BEST4: variants seen among roughly 807,000 people sequenced by gnomAD.
The protein encoded by BEST4 is bestrophin 4.
BEST4 carries 36 observed loss-of-function variants against 47.1 expected under a neutral mutation model. That is an observed-to-expected ratio of 0.76 (90% CI 0.59 to 1.01). BEST4 has a LOEUF of 1.01. Among genes scored for constraint, BEST4 ranks in the 50% least tolerant of loss-of-function variants. The pLI, the probability that BEST4 is intolerant of heterozygous loss-of-function variation, is 0.00. For synonymous variants in BEST4, 250 were observed against 277.8 expected, an observed-to-expected ratio of 0.90 and a Z score of 1.00; for missense variants, 550 against 648.6, an observed-to-expected ratio of 0.85 and a Z score of 1.65.
In BEST4 at chr1:44,786,191, GCT is replaced by G. The variant is rs1043735831; in HGVS notation, c.517_518del (p.Ser173ProfsTer30). 9.3e-6 allele frequency: 15 copies of G among 1,613,892 alleles called. No homozygotes were observed. Among genetic ancestry groups the G allele is most frequent in the Admixed American group, 8.3e-5 (5 of 59,958 alleles). On this transcript the variant is annotated frameshift_variant, in exon 4 of 9. Coordinates refer to ENST00000372207, the MANE Select transcript of BEST4 (RefSeq NM_153274.3). LOFTEE classifies it high-confidence loss of function. The surrounding 1 kb of genome is among the most constrained non-coding windows in gnomAD (Gnocchi z 4.9). ...AGTACTTGTTGAAGTCGGATTTCAG[GCT>G]CTCAAACTTTTTCCTCTCTTCCTGG... ...MSQEERKKFE[S>X]LKSDFNKYWV...
Position 44,786,599 on chromosome 1 carries a change from G to A in BEST4, c.345C>T (p.His115=), listed in dbSNP as rs993887118. The part of the protein sequence containing the change: ...QLMCVISASV[H]GVDQRGRLLR... ...GCAGGCGGCCCCGCTGGTCCACGCC[G>A]TGCACGCTAGCCGAGATGACGCACA... is the stretch of plus-strand genomic sequence containing the variant. The change falls in exon 3 of 9, where the codon CAC becomes CAT. Residue 115 remains histidine, a synonymous_variant. Coordinates refer to ENST00000372207, the MANE Select transcript of BEST4 (RefSeq NM_153274.3). The surrounding 1 kb of genome is among the most constrained non-coding windows in gnomAD (Gnocchi z 4.9). 38 of 1,551,028 alleles carry A rather than the reference G, an allele frequency of 2.4e-5. No individual in the cohort carries two copies. In the East Asian group the frequency reaches 8.6e-4, roughly 35 times the overall value.
chr1:44,787,745 C>T lies in BEST4; in HGVS notation c.-40G>A, dbSNP rs1415120273. The T allele has an allele frequency of 1.2e-6, 2 of 1,611,402 alleles. No homozygotes were observed. The highest frequency in any genetic ancestry group is 1.3e-5 in the African/African-American group (1 of 74,806). ...GGGGCAGGAGGTCACAAGAGTTGCC[C>T]CCAGGGCTGTCGTTTAGTTCTCCAG... On this transcript the variant is annotated 5_prime_UTR_variant, in exon 1 of 9. Transcript: ENST00000372207.
chr1:44,786,530 C>T lies in BEST4; in HGVS notation c.414G>A (p.Leu138=). The change falls in exon 3 of 9, where the codon CTG becomes CTA. Residue 138 remains leucine (L), a synonymous_variant. Coordinates refer to ENST00000372207, the MANE Select transcript of BEST4 (RefSeq NM_153274.3). The surrounding 1 kb of genome is among the most constrained non-coding windows in gnomAD (Gnocchi z 4.9). ...CGCGGGTGCTGACCGAGCGCAGCAC[C>T]AGCACGGACGCCAGGTTCGCGTAGC... ...LIRYANLASV[L]VLRSVSTRVL... is the part of the protein sequence containing the mutation. 1.3e-6 allele frequency: 2 copies of T among 1,550,674 alleles called. No homozygotes were observed. Among genetic ancestry groups the T allele is most frequent in the Non-Finnish European group, 1.7e-6 (2 of 1,148,192 alleles).
rs1426221741 is a variant in BEST4 at position 44,787,561 on chromosome 1, T to C, written c.145A>G (p.Thr49Ala). The C allele has an allele frequency of 1.2e-6, 2 of 1,613,974 alleles. No individual in the cohort carries two copies. Among genetic ancestry groups the C allele is most frequent in the Non-Finnish European group, 1.7e-6 (2 of 1,180,012 alleles). The change falls in exon 1 of 9, where the codon ACC becomes GCC. Residue 49 changes from threonine (T) to alanine (A), a missense_variant. This residue lies in a region of BEST4 where 291 missense variants were observed against 342.4 expected (regional missense o/e 0.85). Transcript: ENST00000372207. ...FGALYAVLSITYRLLLTQEQR... is the reference protein window; with the variant it reads ...FGALYAVLSIAYRLLLTQEQR... ...CTAAGACCCTGCCCTTACCGGTAGG[T>C]GATGCTAAGCACAGCGTACAAGGCC...
At position 44,784,626 on chromosome 1, in the gene BEST4, C is replaced by G; in HGVS notation, c.1148+3G>C. 1 of 1,612,628 alleles carries G rather than the reference C, an allele frequency of 6.2e-7. No individual in the cohort carries two copies. Among genetic ancestry groups the G allele is most frequent in the Non-Finnish European group, 8.5e-7 (1 of 1,179,580 alleles). ...CGGGTCAGGCCCAGTGCAAGCCACT[C>G]ACCGCAGGTTGAAGGTGGAGCCCAG... On this transcript the variant is annotated splice_donor_region_variant and intron_variant, in intron 8 of 8. Transcript: ENST00000372207. This position sits in a 1 kb window ranked among gnomAD's most constrained non-coding sequence, Gnocchi z 6.2.
Position 44,786,448 on chromosome 1 carries a change from C to T in BEST4, c.481+15G>A, listed in dbSNP as rs747323801. 2 of 1,499,552 alleles carry T rather than the reference C, an allele frequency of 1.3e-6. No homozygotes were observed. Among genetic ancestry groups the T allele is most frequent in the South Asian group, 1.3e-5 (1 of 78,588 alleles). The allele number at this position is 1,499,552 out of a possible 1,614,324, so 92.9% of individuals were successfully genotyped here. A position where few individuals can be genotyped will look rare whatever the true frequency, so the allele number is the denominator to read the frequency against. ...TGTGGGCCGGACCCCCAGAGGCTCC[C>T]GGCGGGCGGCGCACCTGCGTCCACC... On this transcript the variant is annotated intron_variant, in intron 3 of 8. Transcript: ENST00000372207. The surrounding 1 kb of genome is among the most constrained non-coding windows in gnomAD (Gnocchi z 4.9).
At chr1:44,785,365 C>T (rs1238296980) in intron 5 of BEST4, 60 bp from the exon 6 acceptor site, 4 of 1,482,104 alleles carry the variant, frequency 2.7e-6, no homozygotes, top group African/African-American at 1.4e-5. Flanking sequence ...AAATGCTGCC[C>T]CTGCCTCTGA....
At position 44,784,009 on chromosome 1, in the gene BEST4, C is replaced by G; in HGVS notation, c.*201G>C. Reference sequence around the variant, plus strand: ...GCTTCACGTCCCCCAAGCAACCGACCTTCTCTCCCACCAAAGTGGACACAT... The same window carrying G: ...GCTTCACGTCCCCCAAGCAACCGACGTTCTCTCCCACCAAAGTGGACACAT... On this transcript the variant is annotated 3_prime_UTR_variant, in exon 9 of 9. Transcript: ENST00000372207. This position sits in a 1 kb window ranked among gnomAD's most constrained non-coding sequence, Gnocchi z 6.2. The G allele has an allele frequency of 2.0e-6, 1 of 494,142 alleles. No homozygotes were observed. The highest frequency in any genetic ancestry group is 3.3e-6 in the Non-Finnish European group (1 of 301,770). The allele number at this position is 494,142 out of a possible 1,614,324, so 30.6% of individuals were successfully genotyped here.
At chr1:44,788,210 A>G (rs193022037), upstream of BEST4, among the ~76,000 whole-genome samples, 802 of 152,326 alleles carry the variant, frequency 5.3e-3, 4 homozygotes, top group African/African-American at 0.016. Context: ...GTACCTCTGC[A>G]GTCCATAAAG....
chr1:44,782,559 G>A (rs183489866), downstream of BEST4, among the ~76,000 whole-genome samples: 1,169 of 152,138 alleles, frequency 7.7e-3, 13 homozygotes, highest in African/African-American at 0.027. Flanking sequence ...GAACCCAGGC[G>A]GTGGAGGTTG....
downstream of BEST4, among the ~76,000 whole-genome samples, chr1:44,782,356 G>A (rs902867116): frequency 2.0e-5 from 3 of 151,212 alleles, no homozygotes; most frequent in South Asian, 2.1e-4. Context: ...GGCTAGACGC[G>A]GTGGCTTACG....
rs143845374 is a variant in BEST4, at chr1:44,787,640, G to C, written c.66C>G (p.Leu22=). Residue 22 remains leucine (L), a synonymous_variant, in exon 1 of 9, where the codon CTC becomes CTG. Transcript: ENST00000372207. ...GCTTGTAGATGCTTCCCCTCCAGCGGAGAAGCAGGCCAGAGAAACCTCCGA... is the reference window on the plus strand; with the variant it reads ...GCTTGTAGATGCTTCCCCTCCAGCGCAGAAGCAGGCCAGAGAAACCTCCGA... ...ARFGGFSGLL[L]RWRGSIYKLL... The C allele has an allele frequency of 1.9e-6, 3 of 1,614,116 alleles. No individual in the cohort carries two copies.
rs759340108 is a variant in BEST4 at position 44,786,508 on chromosome 1, G to A, written c.436C>T (p.Arg146Cys). ...ATGGTGGGGAAGCGCTTAAGCACGCGGGTGCTGACCGAGCGCAGCACCAGC... is the reference window on the plus strand; with the variant it reads ...ATGGTGGGGAAGCGCTTAAGCACGCAGGTGCTGACCGAGCGCAGCACCAGC... ...SVLVLRSVST[R>C]VLKRFPTMEH... The change falls in exon 3 of 9, where the codon CGC becomes TGC. Residue 146 changes from arginine to cysteine, a missense_variant. Arg to Cys is a radical substitution (Grantham distance 180, BLOSUM62 -3). This residue lies in a region of BEST4 where 291 missense variants were observed against 342.4 expected (regional missense o/e 0.85). Transcript: ENST00000372207. This position sits in a 1 kb window ranked among gnomAD's most constrained non-coding sequence, Gnocchi z 4.9. 6.5e-7 allele frequency: 1 copy of A among 1,545,988 alleles called. No individual in the cohort carries two copies. Among genetic ancestry groups the A allele is most frequent in the South Asian group, 1.2e-5 (1 of 84,468 alleles).
chr1:44,786,455 C>A lies in BEST4; in HGVS notation c.481+8G>T. The A allele has an allele frequency of 4.0e-6, 6 of 1,502,872 alleles. No homozygotes were observed. Among genetic ancestry groups the A allele is most frequent in the Non-Finnish European group, 5.3e-6 (6 of 1,124,464 alleles). 93.1% of individuals were successfully genotyped at this position (1,502,872 alleles called of 1,614,324 possible). Reference sequence around the variant, plus strand: ...CGGACCCCCAGAGGCTCCCGGCGGGCGGCGCACCTGCGTCCACCACGTGCT... The same window carrying A: ...CGGACCCCCAGAGGCTCCCGGCGGGAGGCGCACCTGCGTCCACCACGTGCT... On this transcript the variant is annotated splice_region_variant and intron_variant, in intron 3 of 8. Coordinates refer to ENST00000372207, the MANE Select transcript of BEST4 (RefSeq NM_153274.3). This position sits in a 1 kb window ranked among gnomAD's most constrained non-coding sequence, Gnocchi z 4.9.
Position 44,786,375 on chromosome 1 carries a change from T to G in BEST4, c.481+88A>C. 1 of 1,426,550 alleles carries G rather than the reference T, an allele frequency of 7.0e-7. No individual in the cohort carries two copies. The highest frequency in any genetic ancestry group is 9.3e-7 in the Non-Finnish European group (1 of 1,071,226). 88.4% of individuals were successfully genotyped at this position (1,426,550 alleles called of 1,614,324 possible). On this transcript the variant is annotated intron_variant, in intron 3 of 8. Coordinates refer to ENST00000372207, the MANE Select transcript of BEST4 (RefSeq NM_153274.3). This position sits in a 1 kb window ranked among gnomAD's most constrained non-coding sequence, Gnocchi z 4.9. ...TCCTGTCGCAGTCCAGACCCTTCCC[T>G]GGAGGCCCCTGCTCCCAGGACTCTC...
At position 44,784,517 on chromosome 1, in the gene BEST4, AG is replaced by A. The variant is rs781647396; in HGVS notation, c.1149-35del. Reference sequence around the variant, plus strand: ...GGGAGGGCGGGCTGAGCCGGGGCACAGGGCGGGAGCGGGGACGCGGGATCGG... The same window carrying A: ...GGGAGGGCGGGCTGAGCCGGGGCACAGGCGGGAGCGGGGACGCGGGATCGG... On this transcript the variant is annotated intron_variant, in intron 8 of 8. Transcript: ENST00000372207. This position sits in a 1 kb window ranked among gnomAD's most constrained non-coding sequence, Gnocchi z 6.2. 152 of 1,485,846 alleles carry A rather than the reference AG, an allele frequency of 1.0e-4. No homozygotes were observed. In the East Asian group the frequency reaches 3.7e-3, roughly 37 times the overall value. The allele number at this position is 1,485,846 out of a possible 1,614,324, so 92.0% of individuals were successfully genotyped here.
At chr1:44,787,510 G>A (rs776332966) in intron 1 of BEST4, 44 bp from the exon 2 acceptor site, 3 of 1,613,940 alleles carry the variant, frequency 1.9e-6, no homozygotes, top group East Asian at 2.2e-5. Flanking sequence ...GAGGTGGGTG[G>A]CCCAGTCTCC....
In BEST4 at chr1:44,784,861, G is replaced by A; in HGVS notation, c.993+44C>T. ...GGGCTGAGAGCTGACCGGGAGAGGG[G>A]GCCCAGGAGCTGCCCTGGACTCCTG... is the stretch of plus-strand genomic sequence containing the variant. On this transcript the variant is annotated intron_variant, in intron 7 of 8. Coordinates refer to ENST00000372207, the MANE Select transcript of BEST4 (RefSeq NM_153274.3). The surrounding 1 kb of genome is among the most constrained non-coding windows in gnomAD (Gnocchi z 6.2). 2 of 1,612,158 alleles carry A rather than the reference G, an allele frequency of 1.2e-6. No individual in the cohort carries two copies. Among genetic ancestry groups the A allele is most frequent in the Non-Finnish European group, 1.7e-6 (2 of 1,178,766 alleles).
downstream of BEST4, among the ~76,000 whole-genome samples, chr1:44,782,463 T>C (rs145172786): frequency 4.6e-5 from 7 of 151,862 alleles, no homozygotes; most frequent in African/African-American, 7.2e-5. Context: ...CCCCGGTCTC[T>C]ACTAAAAATA....
Sources: gnomAD v4.1 joint callset for allele counts (sites outside exome capture counted in the v4.1 genomes callset) on GRCh38, gnomAD v4.1.1 for gene constraint, gnomAD v4.1.1 regional missense constraint, Gnocchi (gnomAD v3.1) non-coding constraint, MANE v1.5 for transcripts, NCBI Gene and HGNC (gene_info 2026-07-23, HGNC 2026-07-21) for gene names.